The following PDE9A variants were observed in gnomAD, a reference collection of about 807,000 sequenced individuals.
The protein encoded by PDE9A is high affinity cGMP-specific 3',5'-cyclic phosphodiesterase 9A.
Under a neutral mutation model 87.4 loss-of-function variants are expected in PDE9A, and 60 were observed. The ratio of observed to expected loss-of-function variants is 0.69; its 90% CI spans 0.56 to 0.85. The LOEUF is 0.85. PDE9A is among the 40% of genes least tolerant of loss of function. The probability of loss-of-function intolerance (pLI) is 0.00; values close to 1 mark genes in which losing one functional copy is unlikely to be tolerated. For missense variants in PDE9A, 665 were observed against 779.0 expected (o/e 0.85, Z 1.74); for synonymous variants, 272 against 279.4 (o/e 0.97, Z 0.27).
intron 6 of PDE9A, among the ~76,000 whole-genome samples, chr21:42,732,780 G>A (rs1324149676): frequency 4.6e-5 from 7 of 152,288 alleles, no homozygotes. Context: ...CGGGCGTGGT[G>A]GCACATGCCT....
intron 4 of PDE9A, among the ~76,000 whole-genome samples, chr21:42,721,257 C>G (rs1460359228): frequency 6.6e-6 from 1 of 152,136 alleles, no homozygotes; most frequent in Non-Finnish European, 1.5e-5. Flanking sequence ...TGTGAAATTC[C>G]CCTCTCTGAA....
intron 7 of PDE9A, among the ~76,000 whole-genome samples, chr21:42,737,997 G>A (rs1396620627): frequency 1.3e-5 from 2 of 152,110 alleles, no homozygotes; most frequent in African/African-American, 2.4e-5. Flanking sequence ...CTTACGTTAC[G>A]GATTATTTTG....
intron 1 of PDE9A, among the ~76,000 whole-genome samples, chr21:42,682,583 C>T (rs187235023): frequency 6.6e-6 from 1 of 152,350 alleles, no homozygotes; most frequent in Admixed American, 6.5e-5. Flanking sequence ...ATAAAAAGCT[C>T]TCCTCCAGAT....
rs2056816034 is a variant in PDE9A, at chr21:42,653,720, G to GCCCGCCCCCTCCCCTGCTCCCCT, written c.-91_-69dup. 2 of 148,192 alleles carry GCCCGCCCCCTCCCCTGCTCCCCT rather than the reference G, an allele frequency of 1.3e-5. No homozygotes were observed. The highest frequency in any genetic ancestry group is 1.0e-4 in the African/African-American group (2 of 19,848). 9.2% of individuals were successfully genotyped at this position (148,192 alleles called of 1,614,324 possible). ...GGCTGAGCGCCGCGGGCCGCCCCCC[G>GCCCGCCCCCTCCCCTGCTCCCCT]CCCGCCCCCTCCCCTGCTCCCCTCC... On this transcript the variant is annotated 5_prime_UTR_variant, in exon 1 of 20. Coordinates refer to ENST00000291539, the MANE Select transcript of PDE9A (RefSeq NM_002606.3).
intron 8 of PDE9A, among the ~76,000 whole-genome samples, chr21:42,750,831 C>T (rs532066076): frequency 1.3e-5 from 2 of 151,868 alleles, no homozygotes; most frequent in Non-Finnish European, 2.9e-5. Context: ...ATGATCATCC[C>T]GCCTCGACTT....
intron 4 of PDE9A, among the ~76,000 whole-genome samples, chr21:42,720,330 C>T (rs1284101888): frequency 6.6e-6 from 1 of 151,884 alleles, no homozygotes; most frequent in Non-Finnish European, 1.5e-5. Flanking sequence ...CCCGTCTCTA[C>T]TAAAAATACA....
Position 42,665,671 on chromosome 21 carries a change from G to A in PDE9A, c.69+11788G>A, listed in dbSNP as rs141674902. ...GCTCCTAGGAAGCCGGATGTGTCGC[G>A]TGCAGGTGCCTCTCTGCACTGTAAT... is the stretch of plus-strand genomic sequence containing the variant. On this transcript the variant is annotated intron_variant, in intron 1 of 19. Coordinates refer to ENST00000291539, the MANE Select transcript of PDE9A (RefSeq NM_002606.3). Among the ~76,000 whole-genome samples, 654 of 152,288 alleles carry A rather than the reference G, an allele frequency of 4.3e-3. 4 individuals carry two copies. The highest frequency in any genetic ancestry group is 0.027 in the Middle Eastern group (8 of 294).
At chr21:42,691,897 C>T (rs1390290693) in intron 3 of PDE9A, among the ~76,000 whole-genome samples, 1 of 151,584 alleles carries the variant, frequency 6.6e-6, no homozygotes, top group African/African-American at 2.4e-5. Flanking sequence ...AGCCCCTTTA[C>T]CATCACTATC....
At chr21:42,749,103 G>A (rs1392971648) in intron 8 of PDE9A, among the ~76,000 whole-genome samples, 2 of 152,152 alleles carry the variant, frequency 1.3e-5, no homozygotes, top group African/African-American at 4.8e-5. Flanking sequence ...GAATATCTGT[G>A]TGCATAGAGC....
intron 3 of PDE9A, among the ~76,000 whole-genome samples, chr21:42,698,206 C>T (rs1282036266): frequency 1.3e-5 from 2 of 152,258 alleles, no homozygotes; most frequent in Non-Finnish European, 2.9e-5. Flanking sequence ...ACCAGCAACA[C>T]CTGTGATGTC....
At chr21:42,670,397 A>C (rs62650031) in intron 1 of PDE9A, among the ~76,000 whole-genome samples, 24 of 92,694 alleles carry the variant, frequency 2.6e-4, no homozygotes, top group African/African-American at 2.4e-3. Context: ...TACATTCACA[A>C]ACATTCACAC....
At chr21:42,769,313 A>T (rs973204926) in intron 17 of PDE9A, among the ~76,000 whole-genome samples, 158 bp downstream of exon 17, 2 of 151,194 alleles carry the variant, frequency 1.3e-5, no homozygotes, top group Non-Finnish European at 2.9e-5. Context: ...ACAGGCACAT[A>T]CACATATACA....
intron 15 of PDE9A, among the ~76,000 whole-genome samples, chr21:42,766,931 G>A (rs1331639057): frequency 6.6e-6 from 1 of 152,166 alleles, no homozygotes; most frequent in Non-Finnish European, 1.5e-5. Context: ...AGGTGGTCAG[G>A]ACAAGTGAAC....
At chr21:42,668,608 G>A (rs2058172749) in intron 1 of PDE9A, among the ~76,000 whole-genome samples, 1 of 152,190 alleles carries the variant, frequency 6.6e-6, no homozygotes, top group Non-Finnish European at 1.5e-5. Flanking sequence ...ATTTATAACA[G>A]TGGAGATTGG....
intron 9 of PDE9A, 21 bp from the exon 10 acceptor site, chr21:42,753,969 C>A: frequency 1.3e-6 from 2 of 1,545,732 alleles, no homozygotes; most frequent in Non-Finnish European, 1.8e-6. Context: ...CTGGTTAACA[C>A]GGAACTCCTG....
rs201894737 is a variant in PDE9A, at chr21:42,686,257, G to A, written c.135G>A (p.Leu45=). Residue 45 remains leucine, a synonymous_variant, in exon 2 of 20, where the codon CTG becomes CTA. Transcript: ENST00000291539. ...IMDLFCIATG[L]PRNTTISLLT... is the part of the protein sequence containing the mutation. ...ACCTGTTCTGCATCGCCACCGGCCT[G>A]CCTCGGTGAGTGCGCGCTGCGGGCT... 1.9e-5 allele frequency: 31 copies of A among 1,613,174 alleles called. No individual in the cohort carries two copies. Among genetic ancestry groups the A allele is most frequent in the Non-Finnish European group, 8.5e-7 (1 of 1,179,198 alleles).
chr21:42,664,377 T>C (rs2057816338), intron 1 of PDE9A, among the ~76,000 whole-genome samples: 1 of 152,176 alleles, frequency 6.6e-6, no homozygotes, highest in Non-Finnish European at 1.5e-5. Flanking sequence ...CCGCTCCTGA[T>C]GGTGCTGCTG....
chr21:42,772,662 T>C, intron 19 of PDE9A, 142 bp downstream of exon 19: 1 of 617,896 alleles, frequency 1.6e-6, no homozygotes, highest in Non-Finnish European at 2.9e-6. Context: ...AAACTAAGTC[T>C]CGCTCTTGTT....
At chr21:42,674,362 CT>C (rs1368434140) in intron 1 of PDE9A, among the ~76,000 whole-genome samples, 1 of 145,748 alleles carries the variant, frequency 6.9e-6, no homozygotes, top group Non-Finnish European at 1.5e-5. Flanking sequence ...GTGGCCCAGG[CT>C]GGGGTACAGT....
Sources: gnomAD v4.1 joint callset for allele counts (sites outside exome capture counted in the v4.1 genomes callset) on GRCh38, gnomAD v4.1.1 for gene constraint, MANE v1.5 for transcripts, NCBI Gene and HGNC (gene_info 2026-07-23, HGNC 2026-07-21) for gene names.